SVEP1: variants seen among roughly 807,000 people sequenced by gnomAD.
SVEP1 encodes sushi, von Willebrand factor type A, EGF and pentraxin domain-containing protein 1.
Under a neutral mutation model 367.3 loss-of-function variants are expected in SVEP1, and 164 were observed. That is an observed-to-expected ratio of 0.45 (90% CI 0.39 to 0.51). SVEP1 has a LOEUF of 0.51. SVEP1 is among the 20% of genes least tolerant of loss of function. The pLI is 0.00. For synonymous variants in SVEP1, 1,666 were observed against 1,611.6 expected (o/e 1.03, Z -0.81); for missense variants, 4,117 against 4,425.3 (o/e 0.93, Z 1.98).
intron 40 of SVEP1, among the ~76,000 whole-genome samples, chr9:110,392,854 C>G (rs1347183307): frequency 6.6e-6 from 1 of 152,116 alleles, no homozygotes; most frequent in African/African-American, 2.4e-5. Flanking sequence ...CCTGTGGGAG[C>G]CTTGTCCAGT....
intron 5 of SVEP1, chr9:110,512,699 T>A (rs1829738665): frequency 1.7e-6 from 1 of 572,532 alleles, no homozygotes; most frequent in Admixed American, 3.0e-5. Flanking sequence ...CCAGGCAAAC[T>A]TTTTCTTTGC....
intron 20 of SVEP1, among the ~76,000 whole-genome samples, chr9:110,457,556 T>A (rs1178435308): frequency 6.6e-6 from 1 of 152,180 alleles, no homozygotes; most frequent in African/African-American, 2.4e-5. Context: ...TCTTGGGTGA[T>A]GTTCTGGTAA....
chr9:110,374,651 C>CA (rs869252372), intron 46 of SVEP1, among the ~76,000 whole-genome samples: 14 of 124,978 alleles, frequency 1.1e-4, no homozygotes, highest in Non-Finnish European at 2.1e-4. Context: ...ACTCTGTTCT[C>CA]AAAAAACAAA....
chr9:110,411,876 C>A, intron 36 of SVEP1, 141 bp from the exon 37 acceptor site: 1 of 793,756 alleles, frequency 1.3e-6, no homozygotes, highest in Non-Finnish European at 1.9e-6. Flanking sequence ...GAATACTGAG[C>A]TTATTGATCA....
At chr9:110,398,586 C>G (rs1295871566) in intron 40 of SVEP1, among the ~76,000 whole-genome samples, 2 of 152,070 alleles carry the variant, frequency 1.3e-5, no homozygotes, top group Non-Finnish European at 2.9e-5. Context: ...TTTTTCCAGC[C>G]TACTCATCTG....
rs201238329 is a variant in SVEP1 at position 110,400,811 on chromosome 9, T to G, written c.9822+43A>C. On this transcript the variant is annotated intron_variant, in intron 40 of 47. Transcript: ENST00000374469. ...ATACTGAAAGTATCCCCAAGTATAT[T>G]GGAAAAACAAATTATTTCTAGTTAA... The G allele has an allele frequency of 1.4e-4, 226 of 1,568,054 alleles. No individual in the cohort carries two copies. In the African/African-American group the frequency reaches 2.8e-3, roughly 19 times the overall value.
At chr9:110,483,008 C>A (rs1588075001) in intron 10 of SVEP1, among the ~76,000 whole-genome samples, 1 of 152,072 alleles carries the variant, frequency 6.6e-6, no homozygotes, top group African/African-American at 2.4e-5. Context: ...TGACAAACAA[C>A]TGATTTTCTC....
intron 3 of SVEP1, 140 bp from the exon 4 acceptor site, chr9:110,514,246 T>C: frequency 1.8e-6 from 2 of 1,115,312 alleles, no homozygotes; most frequent in South Asian, 1.5e-5. Context: ...GTGTGGTGGC[T>C]CACGCCTGTA....
chr9:110,518,457 G>C (rs1489168274), intron 3 of SVEP1, among the ~76,000 whole-genome samples: 1 of 151,434 alleles, frequency 6.6e-6, no homozygotes, highest in Non-Finnish European at 1.5e-5. Flanking sequence ...ATATATAAAA[G>C]AGAGTATTGT....
intron 3 of SVEP1, among the ~76,000 whole-genome samples, chr9:110,535,450 T>C (rs140455124): frequency 1.5e-4 from 23 of 152,342 alleles, no homozygotes; most frequent in South Asian, 6.2e-4. Context: ...TTGAGTAACA[T>C]GATGCGTCCA....
At chr9:110,559,820 G>T (rs1235843248) in intron 1 of SVEP1, among the ~76,000 whole-genome samples, 2 of 151,926 alleles carry the variant, frequency 1.3e-5, no homozygotes, top group Non-Finnish European at 2.9e-5. Context: ...TCCAACAACA[G>T]GACAAGCACA....
chr9:110,423,242 A>G (rs10980382), intron 36 of SVEP1, among the ~76,000 whole-genome samples: 22,522 of 151,046 alleles, frequency 0.15, 1,994 homozygotes, highest in Admixed American at 0.2. Context: ...CTACAATTCA[A>G]GAGCAAGGGC....
chr9:110,400,906 T>C lies in SVEP1; in HGVS notation c.9770A>G (p.Tyr3257Cys). ...PEHGFVVGSKYTFESTIIYQC... is the reference protein window; with the variant it reads ...PEHGFVVGSKCTFESTIIYQC... ...ATAAATAATTGTGCTTTCAAAGGTGTATTTACTGCCAACCACAAATCCATG... is the reference window on the plus strand; with the variant it reads ...ATAAATAATTGTGCTTTCAAAGGTGCATTTACTGCCAACCACAAATCCATG... The change falls in exon 40 of 48, where the codon TAC becomes TGC. Residue 3257 changes from tyrosine to cysteine, a missense_variant. By Grantham distance (194) the Tyr-to-Cys change is radical. Coordinates refer to ENST00000374469, the MANE Select transcript of SVEP1 (RefSeq NM_153366.4). The C allele has an allele frequency of 6.2e-7, 1 of 1,613,914 alleles. No homozygotes were observed. Among genetic ancestry groups the C allele is most frequent in the South Asian group, 1.1e-5 (1 of 91,082 alleles).
At position 110,429,302 on chromosome 9, in the gene SVEP1, T is replaced by C; in HGVS notation, c.5648A>G (p.Lys1883Arg). The C allele has an allele frequency of 6.3e-7, 1 of 1,588,480 alleles. No homozygotes were observed. Among genetic ancestry groups the C allele is most frequent in the Non-Finnish European group, 8.6e-7 (1 of 1,167,110 alleles). Reference protein sequence around the residue: ...CNKGYTLAGDKESSCLANSSW... With the variant: ...CNKGYTLAGDRESSCLANSSW... ...ACTGTTAGCAAGACAGGATGATTCT[T>C]TATCACCGGCCAGAGTATATCCTTT... Residue 1883 changes from lysine (K) to arginine (R), a missense_variant, in exon 35 of 48, where the codon AAA (lysine) becomes AGA (arginine). Around this residue, in one of 4 missense-constraint regions of SVEP1, gnomAD observed 2,174 missense variants for 2,494.3 expected, o/e 0.87. Transcript: ENST00000374469.
At chr9:110,517,751 T>TAAAAAAAAA (rs5899902) in intron 3 of SVEP1, among the ~76,000 whole-genome samples, 1 of 50,532 alleles carries the variant, frequency 2.0e-5, no homozygotes. Context: ...ACCTGGCTCT[T>TAAAAAAAAA]AAAAAAAAAA....
At chr9:110,539,757 G>A (rs1288197464) in intron 3 of SVEP1, among the ~76,000 whole-genome samples, 2 of 151,834 alleles carry the variant, frequency 1.3e-5, no homozygotes, top group African/African-American at 4.8e-5. Context: ...AATTTTCTCT[G>A]TAACACTCCG....
chr9:110,450,928 T>C (rs1828683780), intron 23 of SVEP1, among the ~76,000 whole-genome samples: 1 of 152,320 alleles, frequency 6.6e-6, no homozygotes, highest in South Asian at 2.1e-4. Context: ...GACACTTTCT[T>C]GGATTTACTC....
At chr9:110,521,960 T>A (rs561789111) in intron 3 of SVEP1, among the ~76,000 whole-genome samples, 95 of 152,290 alleles carry the variant, frequency 6.2e-4, no homozygotes, top group African/African-American at 2.1e-3. Context: ...TCTAAACATT[T>A]TTTTCCCTTA....
chr9:110,556,038 G>A (rs1830353499), intron 1 of SVEP1, among the ~76,000 whole-genome samples: 1 of 152,160 alleles, frequency 6.6e-6, no homozygotes, highest in Non-Finnish European at 1.5e-5. Flanking sequence ...CCAGAATACT[G>A]AATGAGACAA....
Sources: gnomAD v4.1 joint callset for allele counts (sites outside exome capture counted in the v4.1 genomes callset) on GRCh38, gnomAD v4.1.1 for gene constraint, gnomAD v4.1.1 regional missense constraint, MANE v1.5 for transcripts, NCBI Gene and HGNC (gene_info 2026-07-23, HGNC 2026-07-21) for gene names.